DLG2: variants seen among roughly 807,000 people sequenced by gnomAD.
DLG2 encodes discs large MAGUK scaffold protein 2.
A neutral mutation model predicts 132.5 loss-of-function variants in DLG2; 45 were observed. The observed-to-expected ratio is 0.34, with a 90% CI of 0.27 to 0.44. The LOEUF (loss-of-function observed/expected upper bound fraction) is 0.44, where lower values mean the gene tolerates loss of function less well. Ranked by LOEUF, DLG2 falls within the 20% of genes least tolerant of loss-of-function variation. The pLI is 1.00. For synonymous variants in DLG2, 424 were observed against 419.6 expected, an observed-to-expected ratio of 1.01 and a Z score of -0.13; for missense variants, 1,045 against 1,196.9, an observed-to-expected ratio of 0.87 and a Z score of 1.87.
intron 2 of DLG2, among the ~76,000 whole-genome samples, chr11:85,613,856 G>C (rs935262883): frequency 2.6e-5 from 4 of 152,202 alleles, no homozygotes; most frequent in Non-Finnish European, 5.9e-5. Flanking sequence ...CTTTGGGTAT[G>C]TGCCACCTTT....
chr11:85,347,533 A>G lies in DLG2; in HGVS notation c.41-62168T>C, dbSNP rs143389320. Among the ~76,000 whole-genome samples the G allele has an allele frequency of 9.4e-4, 143 of 152,202 alleles. 3 individuals carry two copies. The East Asian group carries it at 0.026, about 28-fold the overall frequency. ...TTCTAGTAATCATTTACTGTATGTC[A>G]AAAAACTGTCACATTTCCCCTCTCC... On this transcript the variant is annotated intron_variant, in intron 3 of 27. Coordinates refer to ENST00000376104, the MANE Select transcript of DLG2 (RefSeq NM_001142699.3).
At chr11:85,079,983 A>G (rs899733611) in intron 6 of DLG2, among the ~76,000 whole-genome samples, 7 of 152,058 alleles carry the variant, frequency 4.6e-5, no homozygotes, top group Non-Finnish European at 1.0e-4. Context: ...GAAATTCCTT[A>G]TGATTGAGAC....
At chr11:85,250,344 G>T (rs1348633502) in intron 4 of DLG2, among the ~76,000 whole-genome samples, 1 of 152,088 alleles carries the variant, frequency 6.6e-6, no homozygotes, top group African/African-American at 2.4e-5. Context: ...ACTGCTCTAG[G>T]TTAATGTACA....
chr11:85,442,265 T>TA (rs1305807673), intron 3 of DLG2, among the ~76,000 whole-genome samples: 3 of 152,202 alleles, frequency 2.0e-5, no homozygotes, highest in Non-Finnish European at 4.4e-5. Flanking sequence ...TAAAAATGGA[T>TA]ACCAGGAGCA....
chr11:84,044,026 T>G (rs1353621790), intron 11 of DLG2, among the ~76,000 whole-genome samples: 5 of 151,524 alleles, frequency 3.3e-5, no homozygotes, highest in Non-Finnish European at 7.4e-5. Flanking sequence ...CCTCTCTTCC[T>G]TATTTTCTTC....
chr11:85,147,084 CG>C (rs1438238408), intron 5 of DLG2, among the ~76,000 whole-genome samples: 1 of 152,178 alleles, frequency 6.6e-6, no homozygotes, highest in Admixed American at 6.5e-5. Flanking sequence ...TACATGCCAT[CG>C]GTTGGGGAAG....
intron 6 of DLG2, among the ~76,000 whole-genome samples, chr11:84,547,791 G>A (rs2099393212): frequency 6.6e-6 from 1 of 151,998 alleles, no homozygotes; most frequent in African/African-American, 2.4e-5. Flanking sequence ...TATTGTACCA[G>A]GGGCAAATAT....
chr11:84,714,558 T>TC (rs1491365515), intron 6 of DLG2, among the ~76,000 whole-genome samples: 4 of 59,496 alleles, frequency 6.7e-5, no homozygotes, highest in Non-Finnish European at 8.1e-5. Context: ...TTTCTCTCTC[T>TC]TTCTCTTTCT....
chr11:85,350,846 G>A (rs2083235947), intron 3 of DLG2, among the ~76,000 whole-genome samples: 1 of 152,050 alleles, frequency 6.6e-6, no homozygotes, highest in African/African-American at 2.4e-5. Context: ...GTAGCGTGAT[G>A]CCTCCAGCTT....
intron 7 of DLG2, among the ~76,000 whole-genome samples, chr11:84,323,556 C>G (rs1362017325): frequency 6.6e-6 from 1 of 152,042 alleles, no homozygotes; most frequent in Non-Finnish European, 1.5e-5. Flanking sequence ...AATAAACACT[C>G]AAAAGTGGTA....
chr11:83,584,409 C>T (rs494303), intron 19 of DLG2, among the ~76,000 whole-genome samples: 109,577 of 152,098 alleles, frequency 0.72, 40,125 homozygotes, highest in African/African-American at 0.86. Context: ...ATGTCATGAA[C>T]TCAATCAGAA....
intron 14 of DLG2, 103 bp from the exon 15 acceptor site, chr11:83,930,586 C>T: frequency 8.4e-7 from 1 of 1,194,762 alleles, no homozygotes; most frequent in Non-Finnish European, 1.2e-6. Flanking sequence ...AAAACAATGC[C>T]ATTTTATCTT....
rs563337653 is a variant in DLG2 at position 84,652,608 on chromosome 11, A to T, written c.358-117877T>A. ...AAGTCAAGAAGATAGGTCTGGGCTA[A>T]GTTTATTGATTTGGACATTAGCATA... On this transcript the variant is annotated intron_variant, in intron 6 of 27. Coordinates refer to ENST00000376104, the MANE Select transcript of DLG2 (RefSeq NM_001142699.3). 7.2e-5 allele frequency among the ~76,000 whole-genome samples: 11 copies of T among 152,312 alleles called. 2 individuals carry two copies. In the South Asian group the frequency reaches 2.3e-3, roughly 32 times the overall value.
chr11:84,891,478 A>G (rs1448831074), intron 6 of DLG2, among the ~76,000 whole-genome samples: 1 of 152,208 alleles, frequency 6.6e-6, no homozygotes, highest in African/African-American at 2.4e-5. Context: ...ACACATAAGT[A>G]CACCACAATT....
intron 6 of DLG2, among the ~76,000 whole-genome samples, chr11:84,806,748 G>C (rs184051927): frequency 6.6e-6 from 1 of 152,144 alleles, no homozygotes; most frequent in Non-Finnish European, 1.5e-5. Flanking sequence ...AAAAAATAAT[G>C]ATAAGAAAAA....
At chr11:84,441,910 C>G (rs1453437589) in intron 7 of DLG2, among the ~76,000 whole-genome samples, 1 of 152,094 alleles carries the variant, frequency 6.6e-6, no homozygotes, top group East Asian at 1.9e-4. Flanking sequence ...TCAGGTTTGT[C>G]AAAGATCAGA....
intron 4 of DLG2, among the ~76,000 whole-genome samples, chr11:85,282,632 A>G (rs1368628527): frequency 6.6e-6 from 1 of 152,018 alleles, no homozygotes; most frequent in Non-Finnish European, 1.5e-5. Context: ...CCACAAAAAT[A>G]GAAAAATTGT....
chr11:84,087,974 T>G, intron 10 of DLG2, among the ~76,000 whole-genome samples: 1 of 152,212 alleles, frequency 6.6e-6, no homozygotes, highest in Non-Finnish European at 1.5e-5. Context: ...ATTTTTAAAT[T>G]GGGTTATCTT....
chr11:84,943,402 A>ATCCCTTCC (rs2049756227), intron 6 of DLG2, among the ~76,000 whole-genome samples: 1 of 151,040 alleles, frequency 6.6e-6, no homozygotes, highest in Non-Finnish European at 1.5e-5. Flanking sequence ...GCATTCCCAC[A>ATCCCTTCC]TCCCTTCCTC....
Sources: allele counts gnomAD v4.1 joint callset (sites outside exome capture counted in the v4.1 genomes callset), GRCh38; gene constraint gnomAD v4.1.1; transcripts MANE v1.5; gene names NCBI Gene and HGNC (gene_info 2026-07-23, HGNC 2026-07-21).